TBC1D5: variants seen among roughly 807,000 people sequenced by gnomAD.
The protein encoded by TBC1D5 is TBC1 domain family, member 5.
In TBC1D5, 75 loss-of-function variants were observed where a neutral mutation model predicts 100.3. That is an observed-to-expected ratio of 0.75 (90% CI 0.62 to 0.91). The LOEUF (loss-of-function observed/expected upper bound fraction) is 0.91. Ranked by LOEUF, TBC1D5 falls within the 40% of genes least tolerant of loss-of-function variation. The pLI, the probability that TBC1D5 is intolerant of heterozygous loss-of-function variation, is 0.00. For missense variants in TBC1D5, 910 were observed against 942.4 expected (o/e 0.97, Z 0.45); for synonymous variants, 323 against 325.6 (o/e 0.99, Z 0.09).
chr3:17,579,683 C>G (rs886618310), intron 2 of TBC1D5, among the ~76,000 whole-genome samples: 1 of 152,116 alleles, frequency 6.6e-6, no homozygotes, highest in Admixed American at 6.6e-5. Flanking sequence ...ATTTTCCTCA[C>G]ATCATCCAAT....
At chr3:17,620,878 G>A (rs1466741389) in intron 2 of TBC1D5, among the ~76,000 whole-genome samples, 1 of 152,032 alleles carries the variant, frequency 6.6e-6, no homozygotes, top group African/African-American at 2.4e-5. Flanking sequence ...TAAGGAATAA[G>A]AAAGAAAGAA....
chr3:17,596,554 G>T (rs1165880706), intron 2 of TBC1D5, among the ~76,000 whole-genome samples: 1 of 151,004 alleles, frequency 6.6e-6, no homozygotes, highest in South Asian at 2.1e-4. Flanking sequence ...TCCTGACCTC[G>T]TGATCCGCCC....
At chr3:17,505,799 G>C (rs182137613) in intron 3 of TBC1D5, among the ~76,000 whole-genome samples, 3 of 152,088 alleles carry the variant, frequency 2.0e-5, no homozygotes, top group African/African-American at 7.2e-5. Flanking sequence ...ATTAAACTTT[G>C]ATCATAGATC....
chr3:17,533,601 T>C (rs535916835), intron 2 of TBC1D5, among the ~76,000 whole-genome samples: 18 of 152,270 alleles, frequency 1.2e-4, no homozygotes, highest in Admixed American at 2.6e-4. Flanking sequence ...GGTCATAAGA[T>C]TGGATTGGAT....
chr3:17,692,997 C>G (rs191331029), intron 1 of TBC1D5, among the ~76,000 whole-genome samples: 1 of 152,196 alleles, frequency 6.6e-6, no homozygotes, highest in Non-Finnish European at 1.5e-5. Flanking sequence ...GGGCGGAGCC[C>G]CCTTGGCATA....
chr3:17,694,574 C>G (rs1419646176), intron 1 of TBC1D5, among the ~76,000 whole-genome samples: 1 of 152,138 alleles, frequency 6.6e-6, no homozygotes, highest in Non-Finnish European at 1.5e-5. Flanking sequence ...ACAAACAAAG[C>G]CTCCAAGAAA....
chr3:17,382,891 T>C (rs2093006472), intron 9 of TBC1D5, among the ~76,000 whole-genome samples: 1 of 152,082 alleles, frequency 6.6e-6, no homozygotes, highest in East Asian at 1.9e-4. Flanking sequence ...CTTTTGTATC[T>C]TTATTGTTAA....
At chr3:17,318,113 A>G (rs937826002) in intron 13 of TBC1D5, among the ~76,000 whole-genome samples, 1 of 151,928 alleles carries the variant, frequency 6.6e-6, no homozygotes, top group Non-Finnish European at 1.5e-5. Flanking sequence ...CATTCTCAGT[A>G]AACTATCGCA....
chr3:17,528,474 T>G (rs1460339822), intron 2 of TBC1D5, among the ~76,000 whole-genome samples: 1 of 152,178 alleles, frequency 6.6e-6, no homozygotes, highest in African/African-American at 2.4e-5. Flanking sequence ...CATCTTGATC[T>G]TGCACTTCCT....
At chr3:17,296,445 T>C (rs2082267145) in intron 14 of TBC1D5, among the ~76,000 whole-genome samples, 1 of 152,174 alleles carries the variant, frequency 6.6e-6, no homozygotes. Flanking sequence ...TCACCTTTAT[T>C]TAAAGGCCCT....
At chr3:17,550,263 A>G (rs537628293) in intron 2 of TBC1D5, among the ~76,000 whole-genome samples, 1 of 152,144 alleles carries the variant, frequency 6.6e-6, no homozygotes, top group Non-Finnish European at 1.5e-5. Context: ...ACTACTATGA[A>G]TATGTGTTAA....
At chr3:17,350,016 CTT>C in intron 13 of TBC1D5, among the ~76,000 whole-genome samples, 1 of 152,184 alleles carries the variant, frequency 6.6e-6, no homozygotes, top group African/African-American at 2.4e-5. Context: ...TGTTTCATAA[CTT>C]TTATTTATTT....
chr3:17,602,973 A>T (rs914489287), intron 2 of TBC1D5, among the ~76,000 whole-genome samples: 1 of 152,126 alleles, frequency 6.6e-6, no homozygotes, highest in Non-Finnish European at 1.5e-5. Context: ...CCTCACTAGT[A>T]TAAATGTGGA....
intron 19 of TBC1D5, among the ~76,000 whole-genome samples, chr3:17,183,922 T>C (rs1282257253): frequency 6.6e-6 from 1 of 152,220 alleles, no homozygotes; most frequent in Non-Finnish European, 1.5e-5. Context: ...TGATTTCTTA[T>C]AATACCTGGT....
intron 1 of TBC1D5, among the ~76,000 whole-genome samples, chr3:17,701,550 G>A (rs1356212468): frequency 6.6e-6 from 1 of 152,066 alleles, no homozygotes. Flanking sequence ...TGGGAAGATC[G>A]CTTGAGCCCA....
At chr3:17,488,635 C>T (rs1354538798) in intron 3 of TBC1D5, among the ~76,000 whole-genome samples, 2 of 152,156 alleles carry the variant, frequency 1.3e-5, no homozygotes, top group African/African-American at 2.4e-5. Flanking sequence ...TTCTTATCTG[C>T]ATTTTATGTT....
At chr3:17,638,710 T>C (rs1006902409) in intron 1 of TBC1D5, among the ~76,000 whole-genome samples, 1 of 152,220 alleles carries the variant, frequency 6.6e-6, no homozygotes, top group African/African-American at 2.4e-5. Flanking sequence ...ATTTTTCATA[T>C]TATGGCTGGA....
chr3:17,298,007 C>T (rs2082438316), intron 14 of TBC1D5, among the ~76,000 whole-genome samples: 4 of 152,022 alleles, frequency 2.6e-5, no homozygotes, highest in Admixed American at 2.6e-4. Context: ...GGAAATGAAG[C>T]CTGAAAAAAT....
At chr3:17,706,383 A>G (rs1012741901) in intron 1 of TBC1D5, 1 of 1,092,578 alleles carries the variant, frequency 9.2e-7, no homozygotes, top group Non-Finnish European at 1.3e-6. Context: ...ATAAATTCCT[A>G]GGTTTAATCA....
Sources: allele counts gnomAD v4.1 joint callset (sites outside exome capture counted in the v4.1 genomes callset), GRCh38; gene constraint gnomAD v4.1.1; transcripts MANE v1.5; gene names NCBI Gene and HGNC (gene_info 2026-07-23, HGNC 2026-07-21).